The following TENM3 variants were observed in gnomAD, a reference collection of about 807,000 sequenced individuals.
TENM3 encodes teneurin-3.
Under a neutral mutation model 255.1 loss-of-function variants are expected in TENM3, and 63 were observed. The ratio of observed to expected loss-of-function variants is 0.25; its 90% confidence interval spans 0.20 to 0.30. The LOEUF (loss-of-function observed/expected upper bound fraction) is 0.30. TENM3 is among the 10% of genes least tolerant of loss of function. TENM3 has a pLI of 1.00. For synonymous variants in TENM3, 1,306 were observed against 1,322.3 expected, an observed-to-expected ratio of 0.99 and a Z score of 0.27; for missense variants, 2,929 against 3,461.1, an observed-to-expected ratio of 0.85 and a Z score of 3.86.
chr4:182,786,764 G>A (rs116306964), intron 24 of TENM3, among the ~76,000 whole-genome samples: 2,777 of 152,072 alleles, frequency 0.018, 41 homozygotes, highest in Middle Eastern at 0.048. Flanking sequence ...AAACACATGG[G>A]CAATAATAAC....
chr4:182,682,607 C>T (rs867547143), intron 11 of TENM3, among the ~76,000 whole-genome samples: 7 of 152,174 alleles, frequency 4.6e-5, no homozygotes, highest in South Asian at 4.1e-4. Context: ...CTTAACAAAT[C>T]GTGTCTGCCC....
At chr4:181,541,721 G>A in the TENM3 span, among the ~76,000 whole-genome samples, 1 of 152,156 alleles carries the variant, frequency 6.6e-6, no homozygotes, top group African/African-American at 2.4e-5. Context: ...TATCTCCAGG[G>A]ATGTCTCATC....
the TENM3 span, among the ~76,000 whole-genome samples, chr4:181,683,405 G>A: frequency 1.3e-5 from 2 of 152,232 alleles, no homozygotes; most frequent in African/African-American, 4.8e-5. Flanking sequence ...GGCCTCAAAT[G>A]TCTTGCTTAA....
chr4:182,155,814 A>T (rs1375416909), intron 1 of TENM3, among the ~76,000 whole-genome samples: 1 of 152,136 alleles, frequency 6.6e-6, no homozygotes, highest in Non-Finnish European at 1.5e-5. Context: ...AACATTACTC[A>T]TCATTTATTA....
intron 2 of TENM3, among the ~76,000 whole-genome samples, chr4:182,339,689 A>T (rs1219237514): frequency 6.6e-6 from 1 of 152,116 alleles, no homozygotes; most frequent in Admixed American, 6.5e-5. Flanking sequence ...TTGGATCCAC[A>T]GTGTGACTCA....
In TENM3 at chr4:182,168,382, G is replaced by C. The variant is rs554899099; in HGVS notation, c.-76+23628G>C. ...ACACCTGGGCTCAAGCAATCCTCTT[G>C]CCTTGGCCTCCAAAAGTGTTGGGAT... On this transcript the variant is annotated intron_variant, in intron 1 of 2. Transcript: ENST00000512480. 9.5e-4 allele frequency among the ~76,000 whole-genome samples: 145 copies of C among 152,204 alleles called. 1 individual carries two copies. The highest frequency in any genetic ancestry group is 1.5e-3 in the Non-Finnish European group (101 of 68,016).
intron 3 of TENM3, among the ~76,000 whole-genome samples, chr4:182,490,990 A>G (rs1735244073): frequency 6.6e-6 from 1 of 152,250 alleles, no homozygotes; most frequent in South Asian, 2.1e-4. Context: ...ACAGATGTAC[A>G]TAGTACTTCA....
At chr4:182,124,917 GCGCA>G in the TENM3 span, among the ~76,000 whole-genome samples, 12 of 151,172 alleles carry the variant, frequency 7.9e-5, no homozygotes, top group East Asian at 2.3e-3. Flanking sequence ...CCATTGCCCA[GCGCA>G]TCCACGCTGT....
chr4:181,689,873 T>C, the TENM3 span, among the ~76,000 whole-genome samples: 8 of 152,064 alleles, frequency 5.3e-5, no homozygotes, highest in Non-Finnish European at 8.8e-5. Flanking sequence ...CTAAAGGAAG[T>C]TGACTGCTTA....
chr4:182,779,303 C>T (rs1364747262), intron 24 of TENM3, among the ~76,000 whole-genome samples: 6 of 151,156 alleles, frequency 4.0e-5, no homozygotes, highest in Admixed American at 1.3e-4. Context: ...TGAGAATATA[C>T]GGTGTTTGGT....
the TENM3 span, among the ~76,000 whole-genome samples, chr4:181,732,708 T>C: frequency 1.3e-5 from 2 of 151,778 alleles, no homozygotes; most frequent in South Asian, 2.1e-4. Flanking sequence ...AGGGCAAAAA[T>C]AATTGAAGGA....
the TENM3 span, among the ~76,000 whole-genome samples, chr4:181,470,221 C>A: frequency 6.6e-6 from 1 of 151,258 alleles, no homozygotes; most frequent in Non-Finnish European, 1.5e-5. Flanking sequence ...AATTAGCTTT[C>A]ATAGAGAGAA....
rs551520871 is a variant in TENM3 at position 182,646,026 on chromosome 4, G to C, written c.989-7745G>C. On this transcript the variant is annotated intron_variant, in intron 5 of 27. Coordinates refer to ENST00000511685, the MANE Select transcript of TENM3 (RefSeq NM_001080477.4). ...AAGCTACATGTGCAGGGTGGTTCTTGTCAAGGGGTTTCTGCTCACTCAAGG... is the reference window on the plus strand; with the variant it reads ...AAGCTACATGTGCAGGGTGGTTCTTCTCAAGGGGTTTCTGCTCACTCAAGG... 2.0e-5 allele frequency among the ~76,000 whole-genome samples: 3 copies of C among 152,268 alleles called. No homozygotes were observed. The South Asian group carries it at 6.2e-4, about 32-fold the overall frequency.
chr4:181,697,072 C>T, the TENM3 span, among the ~76,000 whole-genome samples: 1 of 152,182 alleles, frequency 6.6e-6, no homozygotes, highest in Non-Finnish European at 1.5e-5. Flanking sequence ...TAATTAGGGA[C>T]CCTTGATGAC....
the TENM3 span, among the ~76,000 whole-genome samples, chr4:181,467,876 A>G: frequency 6.6e-6 from 1 of 152,206 alleles, no homozygotes; most frequent in Non-Finnish European, 1.5e-5. Flanking sequence ...CATTACTTTC[A>G]TCTGGATTGA....
At chr4:181,777,107 T>C in the TENM3 span, among the ~76,000 whole-genome samples, 2 of 152,250 alleles carry the variant, frequency 1.3e-5, no homozygotes, top group East Asian at 1.9e-4. Flanking sequence ...AATTTTTGTA[T>C]ATGGTGAGAT....
intron 1 of TENM3, among the ~76,000 whole-genome samples, chr4:182,275,662 TGTG>T (rs1465440866): frequency 6.6e-6 from 1 of 151,744 alleles, no homozygotes; most frequent in African/African-American, 2.4e-5. Flanking sequence ...ATGGGGCAGG[TGTG>T]GTGGCTCACA....
At chr4:182,084,533 A>G in the TENM3 span, among the ~76,000 whole-genome samples, 4 of 152,182 alleles carry the variant, frequency 2.6e-5, no homozygotes, top group Admixed American at 6.6e-5. Flanking sequence ...TGGCTAAAAT[A>G]TTGCACCTCT....
At chr4:182,291,362 C>T (rs1761111944) in intron 1 of TENM3, among the ~76,000 whole-genome samples, 2 of 152,064 alleles carry the variant, frequency 1.3e-5, no homozygotes, top group East Asian at 1.9e-4. Flanking sequence ...GGAGACAAAG[C>T]ATGAAAGAGC....
Sources: gnomAD v4.1 joint callset for allele counts (sites outside exome capture counted in the v4.1 genomes callset) on GRCh38, gnomAD v4.1.1 for gene constraint, MANE v1.5 for transcripts, NCBI Gene and HGNC (gene_info 2026-07-23, HGNC 2026-07-21) for gene names.